The following RELN variants were observed in gnomAD, a reference collection of about 807,000 sequenced individuals.
The protein encoded by RELN is reelin.
Under a neutral mutation model 427.6 loss-of-function variants are expected in RELN, and 108 were observed. The ratio of observed to expected loss-of-function variants is 0.25; its 90% confidence interval spans 0.22 to 0.30. The LOEUF is 0.30. Ranked by LOEUF, RELN falls within the 10% of genes least tolerant of loss-of-function variation. RELN has a pLI of 1.00. For synonymous variants in RELN, 1,524 were observed against 1,513.4 expected, an observed-to-expected ratio of 1.01 and a Z score of -0.16; for missense variants, 3,715 against 4,302.8, an observed-to-expected ratio of 0.86 and a Z score of 3.82.
In RELN at chr7:103,557,957, ATACT is replaced by A; in HGVS notation, c.5614+4_5614+7del. On this transcript the variant is annotated splice_donor_5th_base_variant and intron_variant, in intron 37 of 64. Transcript: ENST00000428762. ...TCTCTTGAAGGAAAATAATAAATTC[ATACT>A]TACTTTTTGCTATAAATCTAAGTGA... The A allele has an allele frequency of 8.5e-7, 1 of 1,179,858 alleles. No homozygotes were observed. Among genetic ancestry groups the A allele is most frequent in the East Asian group, 2.3e-5 (1 of 42,758 alleles). 73.1% of individuals were successfully genotyped at this position (1,179,858 alleles called of 1,614,324 possible).
chr7:103,965,774 T>A (rs1563115481), intron 1 of RELN, among the ~76,000 whole-genome samples: 1 of 152,244 alleles, frequency 6.6e-6, no homozygotes, highest in South Asian at 2.1e-4. Context: ...TCTAGAGTAG[T>A]TGTGTGAACA....
At position 103,958,602 on chromosome 7, in the gene RELN, T is replaced by TG. The variant is rs560514108; in HGVS notation, c.226+30528dup. Among the ~76,000 whole-genome samples the TG allele has an allele frequency of 3.9e-5, 6 of 152,076 alleles. No homozygotes were observed. In the East Asian group the frequency reaches 1.2e-3, roughly 29 times the overall value. On this transcript the variant is annotated intron_variant, in intron 1 of 64. Transcript: ENST00000428762. The stretch of plus-strand genomic sequence containing the variant: ...ATATCTATGTGTGTGTGTGTAGGAG[T>TG]GTATGGGTGTACTTTTTGTCAGATC...
At chr7:103,763,296 T>C (rs1791348647) in intron 4 of RELN, among the ~76,000 whole-genome samples, 1 of 152,190 alleles carries the variant, frequency 6.6e-6, no homozygotes, top group Non-Finnish European at 1.5e-5. Context: ...TTCGGCATTT[T>C]TGGAAAAGTG....
Position 103,777,645 on chromosome 7 carries a change from C to T in RELN, c.474-1018G>A, listed in dbSNP as rs1269527979. Among the ~76,000 whole-genome samples, 3 of 152,106 alleles carry T rather than the reference C, an allele frequency of 2.0e-5. No homozygotes were observed. The East Asian group carries it at 5.8e-4, about 29-fold the overall frequency. On this transcript the variant is annotated intron_variant, in intron 3 of 64. Coordinates refer to ENST00000428762, the MANE Select transcript of RELN (RefSeq NM_005045.4). ...GTCAACATCTTGTTGTTTGCTGGGC[C>T]CAGTAGGGCTTCCTGGCTCCCAACA...
At chr7:103,880,830 C>G (rs891162227) in intron 2 of RELN, among the ~76,000 whole-genome samples, 14 of 152,072 alleles carry the variant, frequency 9.2e-5, no homozygotes, top group African/African-American at 3.4e-4. Flanking sequence ...GTAGCTGGGA[C>G]TACAGGCATG....
intron 2 of RELN, among the ~76,000 whole-genome samples, chr7:103,860,976 A>C (rs1250489587): frequency 6.6e-6 from 1 of 152,180 alleles, no homozygotes; most frequent in Non-Finnish European, 1.5e-5. Flanking sequence ...CAAAAATAAC[A>C]ACAAAAATCT....
In RELN at chr7:103,590,272, A is replaced by C. The variant is rs146625528; in HGVS notation, c.3913-444T>G. Among the ~76,000 whole-genome samples, 119 of 152,290 alleles carry C rather than the reference A, an allele frequency of 7.8e-4. No individual in the cohort carries two copies. In the South Asian group the frequency reaches 0.012, roughly 15 times the overall value. On this transcript the variant is annotated intron_variant, in intron 27 of 64. Coordinates refer to ENST00000428762, the MANE Select transcript of RELN (RefSeq NM_005045.4). ...TCCTTGCCAAAGCTCATTAAAGATCAGTGTCAACCGGCTGGGTGCGGTGGC... is the reference window on the plus strand; with the variant it reads ...TCCTTGCCAAAGCTCATTAAAGATCCGTGTCAACCGGCTGGGTGCGGTGGC...
intron 27 of RELN, among the ~76,000 whole-genome samples, chr7:103,592,041 C>G (rs1379722035): frequency 6.6e-6 from 1 of 152,104 alleles, no homozygotes; most frequent in Non-Finnish European, 1.5e-5. Context: ...GTGTAGACCT[C>G]TTTACTCAAC....
intron 11 of RELN, among the ~76,000 whole-genome samples, chr7:103,678,051 G>T (rs545178568): frequency 6.6e-6 from 1 of 152,266 alleles, no homozygotes; most frequent in African/African-American, 2.4e-5. Context: ...ATTTCGGGCA[G>T]GTGGGGAAGA....
At chr7:103,938,863 G>A (rs1796045697) in intron 1 of RELN, among the ~76,000 whole-genome samples, 1 of 151,938 alleles carries the variant, frequency 6.6e-6, no homozygotes, top group Admixed American at 6.6e-5. Context: ...TGAAAAAGGT[G>A]ATCATGAAGG....
In RELN at chr7:103,582,940, G is replaced by A. The variant is rs531515717; in HGVS notation, c.4145+6656C>T. Among the ~76,000 whole-genome samples, 10 of 152,202 alleles carry A rather than the reference G, an allele frequency of 6.6e-5. No homozygotes were observed. In the East Asian group the frequency reaches 1.2e-3, roughly 18 times the overall value. ...AGGTTGGCAAGGGAGTCTGCTTATT[G>A]TAGACCCTCATTGAGATGTAAGATT... is the stretch of plus-strand genomic sequence containing the variant. On this transcript the variant is annotated intron_variant, in intron 28 of 64. Transcript: ENST00000428762.
intron 1 of RELN, among the ~76,000 whole-genome samples, chr7:103,925,504 T>G (rs1795712967): frequency 6.6e-6 from 1 of 152,166 alleles, no homozygotes; most frequent in South Asian, 2.1e-4. Context: ...TCACGTTACT[T>G]TTATATGAGG....
Position 103,536,599 on chromosome 7 carries a change from C to T in RELN, c.7181-1115G>A, listed in dbSNP as rs184632936. Among the ~76,000 whole-genome samples the T allele has an allele frequency of 1.4e-3, 209 of 152,346 alleles. 1 individual carries two copies. The highest frequency in any genetic ancestry group is 4.2e-3 in the African/African-American group (174 of 41,590). ...AAGGTTTCTAGGTAAATACAATGGCCTGGTCTCAGTCTTCATTGTGCTTGC... is the reference window on the plus strand; with the variant it reads ...AAGGTTTCTAGGTAAATACAATGGCTTGGTCTCAGTCTTCATTGTGCTTGC... On this transcript the variant is annotated intron_variant, in intron 45 of 64. Transcript: ENST00000428762.
chr7:103,724,182 T>C (rs930177726), intron 7 of RELN, among the ~76,000 whole-genome samples: 4 of 150,664 alleles, frequency 2.7e-5, no homozygotes, highest in Non-Finnish European at 5.9e-5. Flanking sequence ...CTTTTTTTTT[T>C]CGTTGTTTTG....
At chr7:103,776,879 G>T (rs948011605) in intron 3 of RELN, among the ~76,000 whole-genome samples, 2 of 151,374 alleles carry the variant, frequency 1.3e-5, no homozygotes, top group Admixed American at 1.3e-4. Context: ...GAAAACAGCA[G>T]ATGTGCGTAA....
At chr7:103,952,840 A>ATGAAAAAATATTT (rs1323852705) in intron 1 of RELN, among the ~76,000 whole-genome samples, 1 of 152,240 alleles carries the variant, frequency 6.6e-6, no homozygotes, top group African/African-American at 2.4e-5. Flanking sequence ...CTCACAGAGG[A>ATGAAAAAATATTT]TGAAAAAATA....
rs147874092 is a variant in RELN at position 103,654,037 on chromosome 7, G to T, written c.1554+56C>A. The T allele has an allele frequency of 3.7e-4, 363 of 972,020 alleles. 1 individual carries two copies. The African/African-American group carries it at 5.2e-3, about 14-fold the overall frequency. The allele number at this position is 972,020 out of a possible 1,614,324, so 60.2% of individuals were successfully genotyped here. On this transcript the variant is annotated intron_variant, in intron 13 of 64. Transcript: ENST00000428762. Reference sequence around the variant, plus strand: ...GAGTGGTCTTTGTGGTTTTGACTTGGGCTTGTCCAGGGTGGTCTGAGGTGG... The same window carrying T: ...GAGTGGTCTTTGTGGTTTTGACTTGTGCTTGTCCAGGGTGGTCTGAGGTGG...
At chr7:103,956,775 C>T (rs889287591) in intron 1 of RELN, among the ~76,000 whole-genome samples, 1 of 152,086 alleles carries the variant, frequency 6.6e-6, no homozygotes. Context: ...AGATGGCAAG[C>T]AGTGTAGTCC....
intron 2 of RELN, among the ~76,000 whole-genome samples, chr7:103,863,082 G>A (rs1471426926): frequency 6.6e-6 from 1 of 152,074 alleles, no homozygotes; most frequent in East Asian, 1.9e-4. Flanking sequence ...CTACTATTAA[G>A]ACAATAAAGC....
Sources: allele counts gnomAD v4.1 joint callset (sites outside exome capture counted in the v4.1 genomes callset), GRCh38; gene constraint gnomAD v4.1.1; transcripts MANE v1.5; gene names NCBI Gene and HGNC (gene_info 2026-07-23, HGNC 2026-07-21).